Variants in LRMDA observed in about 807,000 individuals in gnomAD.
LRMDA encodes the protein leucine-rich melanocyte differentiation-associated protein.
A neutral mutation model predicts 29.8 loss-of-function variants in LRMDA; 18 were observed. That is an observed-to-expected ratio of 0.60 (90% CI 0.42 to 0.90). The LOEUF (loss-of-function observed/expected upper bound fraction) is 0.90, where lower values mean the gene tolerates loss of function less well. LRMDA is among the 40% of genes least tolerant of loss of function. The pLI is 0.00. For missense variants in LRMDA, 273 were observed against 273.9 expected (o/e 1.00, Z 0.02); for synonymous variants, 125 against 109.4 (o/e 1.14, Z -0.89).
intron 2 of LRMDA, among the ~76,000 whole-genome samples, chr10:75,806,854 A>T (rs1426147753): frequency 1.3e-5 from 2 of 148,962 alleles, no homozygotes; most frequent in Non-Finnish European, 3.0e-5. Flanking sequence ...CTACCTTGGG[A>T]GTTCTTTGAC....
At chr10:76,484,514 C>T (rs1452235499) in intron 6 of LRMDA, among the ~76,000 whole-genome samples, 1 of 151,742 alleles carries the variant, frequency 6.6e-6, no homozygotes, top group East Asian at 1.9e-4. Context: ...AACATAGAAT[C>T]CTGTATGTAT....
intron 5 of LRMDA, among the ~76,000 whole-genome samples, chr10:76,161,871 A>C (rs1281970625): frequency 4.6e-5 from 7 of 152,254 alleles, no homozygotes; most frequent in African/African-American, 1.7e-4. Context: ...CAGTGGGAAG[A>C]AAATCAGATT....
At chr10:76,275,693 T>C (rs1840122464) in intron 5 of LRMDA, among the ~76,000 whole-genome samples, 1 of 152,126 alleles carries the variant, frequency 6.6e-6, no homozygotes, top group Non-Finnish European at 1.5e-5. Context: ...AAATTGTGTG[T>C]GTGTTGGTTT....
At chr10:75,551,373 T>G (rs1269137901) in intron 2 of LRMDA, among the ~76,000 whole-genome samples, 1 of 152,102 alleles carries the variant, frequency 6.6e-6, no homozygotes, top group East Asian at 1.9e-4. Context: ...CTGGGGTACA[T>G]GTGCAGAACA....
At chr10:76,232,610 C>T (rs770242406) in intron 5 of LRMDA, among the ~76,000 whole-genome samples, 7 of 152,190 alleles carry the variant, frequency 4.6e-5, no homozygotes, top group Admixed American at 2.0e-4. Context: ...TGGCCTTGCT[C>T]GACCACACTA....
intron 2 of LRMDA, among the ~76,000 whole-genome samples, chr10:75,850,101 A>T (rs1844706382): frequency 6.6e-6 from 1 of 152,214 alleles, no homozygotes; most frequent in Admixed American, 6.5e-5. Flanking sequence ...ATAACTCAGC[A>T]TGGATAGTCT....
intron 3 of LRMDA, among the ~76,000 whole-genome samples, chr10:76,037,818 T>C (rs1049941205): frequency 5.3e-5 from 8 of 152,194 alleles, no homozygotes; most frequent in Non-Finnish European, 1.0e-4. Context: ...AATTTCAACA[T>C]ATGAATTTGA....
At chr10:76,021,044 A>G (rs1423738748) in intron 2 of LRMDA, among the ~76,000 whole-genome samples, 1 of 152,222 alleles carries the variant, frequency 6.6e-6, no homozygotes, top group Non-Finnish European at 1.5e-5. Flanking sequence ...AGTAGGATGC[A>G]AAGAGATATA....
At chr10:75,651,780 T>C (rs796855186) in intron 2 of LRMDA, among the ~76,000 whole-genome samples, 2 of 152,176 alleles carry the variant, frequency 1.3e-5, no homozygotes, top group Admixed American at 6.5e-5. Flanking sequence ...ACTGAGCACA[T>C]TGAGCTATAT....
At chr10:75,464,092 G>T (rs1776620430) in intron 2 of LRMDA, among the ~76,000 whole-genome samples, 1 of 152,212 alleles carries the variant, frequency 6.6e-6, no homozygotes, top group Admixed American at 6.5e-5. Flanking sequence ...GTGAGCCACT[G>T]CGCCCATCCT....
chr10:76,447,038 C>T (rs1268402298), intron 6 of LRMDA, among the ~76,000 whole-genome samples: 1 of 149,318 alleles, frequency 6.7e-6, no homozygotes, highest in Non-Finnish European at 1.5e-5. Context: ...AGACTCCATA[C>T]TACTTGATTT....
In LRMDA at chr10:75,952,755, A is replaced by G. The variant is rs1846598663; in HGVS notation, c.132-83253A>G. 1.3e-5 allele frequency among the ~76,000 whole-genome samples: 2 copies of G among 151,964 alleles called. 1 individual carries two copies. Among genetic ancestry groups the G allele is most frequent in the South Asian group, 4.2e-4 (2 of 4,814 alleles). ...GTCTTGGAATATTTTTTTCTTACGGAAATTCTTTTTTTCTTTTTTGAGACA... is the reference window on the plus strand; with the variant it reads ...GTCTTGGAATATTTTTTTCTTACGGGAATTCTTTTTTTCTTTTTTGAGACA... On this transcript the variant is annotated intron_variant, in intron 2 of 6. Coordinates refer to ENST00000611255, the MANE Select transcript of LRMDA (RefSeq NM_001305581.2).
At chr10:75,641,823 G>A (rs1174661282) in intron 2 of LRMDA, among the ~76,000 whole-genome samples, 2 of 152,114 alleles carry the variant, frequency 1.3e-5, no homozygotes, top group Non-Finnish European at 2.9e-5. Flanking sequence ...TGAGGTGGGA[G>A]AATTACTGAA....
chr10:75,980,671 G>A (rs528552609), intron 2 of LRMDA, among the ~76,000 whole-genome samples: 2 of 152,330 alleles, frequency 1.3e-5, no homozygotes, highest in African/African-American at 4.8e-5. Context: ...GAGGCTCAAT[G>A]TGTTACTCTC....
At chr10:75,495,024 T>A (rs1845028257) in intron 2 of LRMDA, among the ~76,000 whole-genome samples, 1 of 152,214 alleles carries the variant, frequency 6.6e-6, no homozygotes, top group Non-Finnish European at 1.5e-5. Context: ...GGAGTCTTTT[T>A]AGAAATCTTA....
intron 2 of LRMDA, among the ~76,000 whole-genome samples, chr10:75,654,909 C>T (rs761436974): frequency 9.2e-5 from 14 of 152,080 alleles, no homozygotes; most frequent in Non-Finnish European, 1.6e-4. Flanking sequence ...CTTTTGGAAG[C>T]GAAACAGAAA....
At chr10:75,724,533 T>C (rs962602757) in intron 2 of LRMDA, among the ~76,000 whole-genome samples, 1 of 152,194 alleles carries the variant, frequency 6.6e-6, no homozygotes, top group Non-Finnish European at 1.5e-5. Flanking sequence ...ATTGATATTT[T>C]CTTTGACTTA....
intron 5 of LRMDA, among the ~76,000 whole-genome samples, chr10:76,186,784 T>C (rs568214348): frequency 1.3e-5 from 2 of 152,308 alleles, no homozygotes; most frequent in Admixed American, 6.5e-5. Context: ...TGACATTCTA[T>C]CTAACATCTA....
rs184333818 is a variant in LRMDA at position 75,666,289 on chromosome 10, A to G, written c.131+227795A>G. 1.4e-3 allele frequency among the ~76,000 whole-genome samples: 209 copies of G among 152,240 alleles called. 3 individuals are homozygous for G. The highest frequency in any genetic ancestry group is 0.011 in the Admixed American group (165 of 15,292). On this transcript the variant is annotated intron_variant, in intron 2 of 6. Coordinates refer to ENST00000611255, the MANE Select transcript of LRMDA (RefSeq NM_001305581.2). ...ACAAGAAATTATGTGCTTGTGATAC[A>G]TTACTCCTTGTACTATTGTTTTCTT...
Sources: allele counts gnomAD v4.1 joint callset (sites outside exome capture counted in the v4.1 genomes callset), GRCh38; gene constraint gnomAD v4.1.1; transcripts MANE v1.5; gene names NCBI Gene and HGNC (gene_info 2026-07-23, HGNC 2026-07-21).